Variants in C12orf54 observed in about 807,000 individuals in gnomAD.
The protein encoded by C12orf54 is chromosome 12 open reading frame 54, also known as uncharacterized protein C12orf54.
A neutral mutation model predicts 26.4 loss-of-function variants in C12orf54; 24 were observed. The ratio of observed to expected loss-of-function variants is 0.91; its 90% confidence interval spans 0.66 to 1.28. C12orf54 has a LOEUF of 1.28. C12orf54 is among the 50% of genes most tolerant of loss of function. The probability of loss-of-function intolerance (pLI) is 0.00; values close to 1 mark genes in which losing one functional copy is unlikely to be tolerated. For synonymous variants in C12orf54, 54 were observed against 47.0 expected (o/e 1.15, Z -0.61); for missense variants, 154 against 150.9 (o/e 1.02, Z -0.11).
chr12:48,424,244 TTGA>T, the C12orf54 span, among the ~76,000 whole-genome samples: 1 of 152,134 alleles, frequency 6.6e-6, no homozygotes, highest in Non-Finnish European at 1.5e-5. Context: ...TGGATTTCAC[TTGA>T]TGATGTTGAG....
the C12orf54 span, among the ~76,000 whole-genome samples, chr12:48,467,482 A>G: frequency 1.3e-5 from 2 of 152,240 alleles, no homozygotes; most frequent in Non-Finnish European, 2.9e-5. Flanking sequence ...AATGCTGTAC[A>G]TAATAACAGG....
chr12:48,462,005 G>C, the C12orf54 span, among the ~76,000 whole-genome samples: 2 of 151,570 alleles, frequency 1.3e-5, no homozygotes, highest in Non-Finnish European at 3.0e-5. Context: ...GATGGAGGGA[G>C]AGAGATGGAT....
At chr12:48,456,167 C>A in the C12orf54 span, among the ~76,000 whole-genome samples, 1 of 152,196 alleles carries the variant, frequency 6.6e-6, no homozygotes, top group African/African-American at 2.4e-5. Context: ...GCTCAGCCAA[C>A]AACAATTGTT....
chr12:48,428,232 A>T, the C12orf54 span, among the ~76,000 whole-genome samples: 1 of 152,010 alleles, frequency 6.6e-6, no homozygotes, highest in African/African-American at 2.4e-5. Context: ...AAAGAGCACA[A>T]ACTGACAATC....
chr12:48,482,817 G>A (rs1301435524), intron 1 of C12orf54, among the ~76,000 whole-genome samples: 1 of 151,786 alleles, frequency 6.6e-6, no homozygotes, highest in African/African-American at 2.4e-5. Context: ...AGGGGGTGGG[G>A]TATTTGACAA....
chr12:48,486,442 T>C (rs1954267227), intron 3 of C12orf54: 2 of 623,708 alleles, frequency 3.2e-6, no homozygotes, highest in Non-Finnish European at 2.8e-6. Flanking sequence ...ATTGAAAAGA[T>C]GGTAAACAAA....
chr12:48,416,796 G>A, the C12orf54 span, among the ~76,000 whole-genome samples: 1 of 151,968 alleles, frequency 6.6e-6, no homozygotes, highest in African/African-American at 2.4e-5. Flanking sequence ...CAGGAGGTGG[G>A]GGTTGCAGTG....
At chr12:48,443,856 C>G in the C12orf54 span, among the ~76,000 whole-genome samples, 43 of 152,338 alleles carry the variant, frequency 2.8e-4, no homozygotes, top group Admixed American at 2.4e-3. Context: ...CTTTTGTGTT[C>G]ATACTGCAAA....
chr12:48,452,127 A>G, the C12orf54 span, among the ~76,000 whole-genome samples: 1 of 152,206 alleles, frequency 6.6e-6, no homozygotes, highest in African/African-American at 2.4e-5. Context: ...GTACTGGTAC[A>G]AGAACAGACA....
chr12:48,436,317 T>TGG, the C12orf54 span, among the ~76,000 whole-genome samples: 1 of 152,112 alleles, frequency 6.6e-6, no homozygotes, highest in Non-Finnish European at 1.5e-5. Context: ...ATGGGACACT[T>TGG]TAACACCCCA....
At chr12:48,472,157 T>C in the C12orf54 span, among the ~76,000 whole-genome samples, 1 of 152,206 alleles carries the variant, frequency 6.6e-6, no homozygotes, top group Non-Finnish European at 1.5e-5. Context: ...ATACTATTGG[T>C]GTATAGAAAT....
chr12:48,445,105 A>G, the C12orf54 span, among the ~76,000 whole-genome samples: 3 of 152,260 alleles, frequency 2.0e-5, no homozygotes, highest in African/African-American at 7.2e-5. Flanking sequence ...CCCGGGAGGC[A>G]GAGCTTGCAG....
intron 5 of C12orf54, chr12:48,489,249 T>TA: frequency 1.7e-6 from 1 of 581,060 alleles, no homozygotes; most frequent in Non-Finnish European, 3.2e-6. Context: ...TGATAATGAC[T>TA]AAGCTGGGGA....
At chr12:48,486,271 G>T in intron 3 of C12orf54, 63 bp downstream of exon 3, 1 of 1,525,758 alleles carries the variant, frequency 6.6e-7, no homozygotes, top group Admixed American at 1.7e-5. Flanking sequence ...GAGAGGGGAG[G>T]AGAAGAGGTT....
chr12:48,436,996 G>C, the C12orf54 span, among the ~76,000 whole-genome samples: 1 of 146,306 alleles, frequency 6.8e-6, no homozygotes, highest in Admixed American at 7.0e-5. Context: ...CAACAAAATT[G>C]ATAGACTGCT....
the C12orf54 span, among the ~76,000 whole-genome samples, chr12:48,422,476 A>G: frequency 6.6e-6 from 1 of 152,214 alleles, no homozygotes; most frequent in African/African-American, 2.4e-5. Context: ...TGAACTCTAG[A>G]AGAGTTTTGG....
Position 48,488,926 on chromosome 12 carries a change from G to T in C12orf54, c.138G>T (p.Val46=). ...VTITETLWDQ[V]LTVFKDIQKE... ...TCTATATTTTTGTCTTCTGTCAGGT[G>T]CTGACAGTTTTTAAGGATATACAAA... Residue 46 remains valine (V), a splice_region_variant and synonymous_variant, in exon 5 of 9, where the codon GTG becomes GTT. Coordinates refer to ENST00000548364, the MANE Select transcript of C12orf54 (RefSeq NM_152319.4). The T allele has an allele frequency of 6.2e-7, 1 of 1,607,198 alleles. No individual in the cohort carries two copies. Among genetic ancestry groups the T allele is most frequent in the Non-Finnish European group, 8.5e-7 (1 of 1,174,030 alleles).
At chr12:48,451,511 G>T in the C12orf54 span, among the ~76,000 whole-genome samples, 1 of 152,104 alleles carries the variant, frequency 6.6e-6, no homozygotes, top group Non-Finnish European at 1.5e-5. Flanking sequence ...GCGAGAGAAA[G>T]AAATAAGGGA....
At chr12:48,486,602 T>TC in intron 3 of C12orf54, 86 bp from the exon 4 acceptor site, 1 of 1,403,744 alleles carries the variant, frequency 7.1e-7, no homozygotes, top group South Asian at 1.2e-5. Context: ...AGAAACATCT[T>TC]GTCTTCCACC....
Sources: gnomAD v4.1 joint callset for allele counts (sites outside exome capture counted in the v4.1 genomes callset) on GRCh38, gnomAD v4.1.1 for gene constraint, MANE v1.5 for transcripts, NCBI Gene and HGNC (gene_info 2026-07-23, HGNC 2026-07-21) for gene names.